Variants in SCN10A observed in about 807,000 individuals in gnomAD.
SCN10A encodes the protein sodium voltage-gated channel alpha subunit 10, also known as sodium channel protein type 10 subunit alpha.
Under a neutral mutation model 170.7 loss-of-function variants are expected in SCN10A, and 162 were observed. The ratio of observed to expected loss-of-function variants is 0.95; its 90% CI spans 0.84 to 1.08. The LOEUF is 1.08. SCN10A is among the 50% of genes least tolerant of loss of function. The pLI is 0.00. For synonymous variants in SCN10A, 985 were observed against 904.6 expected, an observed-to-expected ratio of 1.09 and a Z score of -1.59; for missense variants, 2,527 against 2,436.9, an observed-to-expected ratio of 1.04 and a Z score of -0.78.
intron 15 of SCN10A, among the ~76,000 whole-genome samples, chr3:38,730,832 C>T (rs2063506892): frequency 6.6e-6 from 1 of 151,882 alleles, no homozygotes; most frequent in Non-Finnish European, 1.5e-5. Flanking sequence ...CCTAGAGAGA[C>T]ATAAGATGAA....
Position 38,757,053 on chromosome 3 carries a change from T to A in SCN10A, c.1057A>T (p.Met353Leu). The A allele has an allele frequency of 6.2e-7, 1 of 1,613,364 alleles. No individual in the cohort carries two copies. Among genetic ancestry groups the A allele is most frequent in the Non-Finnish European group, 8.5e-7 (1 of 1,179,694 alleles). The change falls in exon 9 of 28, where the codon ATG (methionine) becomes TTG (leucine). Residue 353 changes from methionine (M) to leucine (L), a missense_variant. Physicochemically the swap from Met to Leu is conservative, Grantham distance 15 (BLOSUM62 2). Transcript: ENST00000449082. ...AWAFLSLFRL[M>L]TQDSWERLYQ... ...AGGCGTTCCCAGGAATCCTGTGTCATGAGGCGGAACAGTGAGAGGAAAGCC... is the reference window on the plus strand; with the variant it reads ...AGGCGTTCCCAGGAATCCTGTGTCAAGAGGCGGAACAGTGAGAGGAAAGCC...
chr3:38,709,472 A>G lies in SCN10A; in HGVS notation c.4281+6T>C, dbSNP rs368641356. The stretch of plus-strand genomic sequence containing the variant: ...CAGAAACCAGAAACTCCTGAGCACC[A>G]CTTATCTTTTTTTTCTGTTGATTGA... On this transcript the variant is annotated splice_donor_region_variant and intron_variant, in intron 25 of 27. Transcript: ENST00000449082. 1.9e-6 allele frequency: 3 copies of G among 1,606,540 alleles called. No individual in the cohort carries two copies. Among genetic ancestry groups the G allele is most frequent in the Non-Finnish European group, 2.5e-6 (3 of 1,176,866 alleles).
chr3:38,763,055 T>A (rs1368348327), intron 6 of SCN10A, among the ~76,000 whole-genome samples: 1 of 152,206 alleles, frequency 6.6e-6, no homozygotes, highest in Non-Finnish European at 1.5e-5. Context: ...ATTGCCTAAT[T>A]CTTTTTTCCT....
At chr3:38,766,904 G>A (rs746046381) in intron 5 of SCN10A, among the ~76,000 whole-genome samples, 1 of 151,850 alleles carries the variant, frequency 6.6e-6, no homozygotes, top group African/African-American at 2.4e-5. Flanking sequence ...TTTCAATCTC[G>A]CTACTTGTTA....
At chr3:38,742,146 C>T in intron 14 of SCN10A, 145 bp downstream of exon 14, 2 of 643,064 alleles carry the variant, frequency 3.1e-6, no homozygotes. Flanking sequence ...CCACATGTCT[C>T]CTGCACTGCT....
intron 14 of SCN10A, among the ~76,000 whole-genome samples, chr3:38,741,378 C>T (rs558662033): frequency 1.3e-5 from 2 of 152,212 alleles, no homozygotes; most frequent in East Asian, 1.9e-4. Flanking sequence ...GCTTGGCAGC[C>T]GGTCTGTCTG....
chr3:38,712,089 C>G (rs1234404888), intron 23 of SCN10A, 72 bp downstream of exon 23: 11 of 1,490,248 alleles, frequency 7.4e-6, no homozygotes, highest in Admixed American at 3.5e-5. Flanking sequence ...ATAGCATCTT[C>G]TGGGAACCTA....
chr3:38,772,322 GAAAA>G (rs147803028), intron 4 of SCN10A, among the ~76,000 whole-genome samples: 14 of 133,876 alleles, frequency 1.0e-4, no homozygotes, highest in East Asian at 4.2e-4. Context: ...CCAAACAACT[GAAAA>G]AAAAAAAAAA....
At chr3:38,717,339 A>G (rs2125993416) in intron 21 of SCN10A, among the ~76,000 whole-genome samples, 1 of 152,356 alleles carries the variant, frequency 6.6e-6, no homozygotes, top group East Asian at 1.9e-4. Context: ...AGGAAGAATC[A>G]GTAGGAAGAT....
chr3:38,777,130 C>G (rs1457623042), intron 4 of SCN10A, among the ~76,000 whole-genome samples: 1 of 151,932 alleles, frequency 6.6e-6, no homozygotes, highest in Non-Finnish European at 1.5e-5. Flanking sequence ...ACTGTCATAG[C>G]TTTGAATTAC....
chr3:38,739,241 GTTA>G (rs899660031), intron 15 of SCN10A, among the ~76,000 whole-genome samples: 13 of 152,204 alleles, frequency 8.5e-5, no homozygotes, highest in African/African-American at 2.9e-4. Flanking sequence ...TGCTGTTATT[GTTA>G]TTTGATAAGA....
At chr3:38,720,358 T>C (rs1199448822) in intron 20 of SCN10A, among the ~76,000 whole-genome samples, 1 of 152,250 alleles carries the variant, frequency 6.6e-6, no homozygotes, top group East Asian at 1.9e-4. Context: ...AATGTGGTTT[T>C]ATTTTTGTAA....
chr3:38,723,692 G>C (rs190819062), intron 18 of SCN10A, 139 bp from the exon 19 acceptor site: 46 of 1,081,282 alleles, frequency 4.3e-5, no homozygotes, highest in Middle Eastern at 6.1e-4. Flanking sequence ...TCTCCCTGGA[G>C]CCCCAGAGGC....
At chr3:38,736,973 T>TTTTTTTTTTTTTTTG (rs2063570091) in intron 15 of SCN10A, among the ~76,000 whole-genome samples, 1 of 100,198 alleles carries the variant, frequency 1.0e-5, no homozygotes, top group Non-Finnish European at 2.1e-5. Context: ...GTTTTTTTTT[T>TTTTTTTTTTTTTTTG]TTTTTTTTTT....
intron 16 of SCN10A, among the ~76,000 whole-genome samples, chr3:38,727,975 C>T (rs2063475332): frequency 6.6e-6 from 1 of 152,130 alleles, no homozygotes; most frequent in East Asian, 1.9e-4. Context: ...ACCCATTGTG[C>T]CCCCTCCCTG....
At chr3:38,791,985 G>C (rs1375986865) in intron 3 of SCN10A, 65 bp downstream of exon 3, 1 of 1,571,166 alleles carries the variant, frequency 6.4e-7, no homozygotes, top group Non-Finnish European at 8.6e-7. Context: ...CTCTAAAGAA[G>C]GTACTGGACA....
intron 1 of SCN10A, among the ~76,000 whole-genome samples, chr3:38,812,360 A>G (rs1329105821): frequency 2.6e-5 from 4 of 152,178 alleles, no homozygotes; most frequent in Admixed American, 6.5e-5. Flanking sequence ...TGGAGACCTA[A>G]GGCAATGTTC....
At position 38,698,223 on chromosome 3, in the gene SCN10A, A is replaced by G; in HGVS notation, c.4997T>C (p.Leu1666Pro). 1 of 1,614,082 alleles carries G rather than the reference A, an allele frequency of 6.2e-7. No homozygotes were observed. Among genetic ancestry groups the G allele is most frequent in the South Asian group, 1.1e-5 (1 of 91,068 alleles). ...CCCTGTGTTGAGGATGGGGCTGAGGAGGCCATCCCAGCCGGCCGACGTGGT... is the reference window on the plus strand; with the variant it reads ...CCCTGTGTTGAGGATGGGGCTGAGGGGGCCATCCCAGCCGGCCGACGTGGT... ...QITTSAGWDGLLSPILNTGPP... is the reference protein window; with the variant it reads ...QITTSAGWDGPLSPILNTGPP... The change falls in exon 28 of 28, where the codon CTC (leucine) becomes CCC (proline). Residue 1666 changes from leucine to proline, a missense_variant. Physicochemically the swap from Leu to Pro is moderately conservative, Grantham distance 98. Transcript: ENST00000449082.
intron 1 of SCN10A, among the ~76,000 whole-genome samples, chr3:38,794,765 G>A (rs1274695800): frequency 6.6e-6 from 1 of 152,186 alleles, no homozygotes; most frequent in Non-Finnish European, 1.5e-5. Context: ...GGTATCCCTA[G>A]TCAGCAGTTT....
Sources: gnomAD v4.1 joint callset for allele counts (sites outside exome capture counted in the v4.1 genomes callset) on GRCh38, gnomAD v4.1.1 for gene constraint, MANE v1.5 for transcripts, NCBI Gene and HGNC (gene_info 2026-07-23, HGNC 2026-07-21) for gene names.